Variants in WSCD2 observed in about 807,000 individuals in gnomAD.
WSCD2 encodes the protein sialate:O-sulfotransferase 2.
WSCD2 carries 28 observed loss-of-function variants against 55.7 expected under a neutral mutation model. The ratio of observed to expected loss-of-function variants is 0.50; its 90% CI spans 0.37 to 0.69. The LOEUF is 0.69. Ranked by LOEUF, WSCD2 falls within the 30% of genes least tolerant of loss-of-function variation. The probability of loss-of-function intolerance (pLI) is 0.00; values close to 1 mark genes in which losing one functional copy is unlikely to be tolerated. For synonymous variants in WSCD2, 301 were observed against 301.9 expected (o/e 1.00, Z 0.03); for missense variants, 616 against 762.1 (o/e 0.81, Z 2.26).
chr12:108,133,791 C>T (rs1875875641), intron 1 of WSCD2, among the ~76,000 whole-genome samples: 1 of 152,086 alleles, frequency 6.6e-6, no homozygotes, highest in Non-Finnish European at 1.5e-5. Context: ...TCTGTCTTGC[C>T]AGAAGCTTCT....
At chr12:108,229,642 C>T (rs879484301) in intron 6 of WSCD2, among the ~76,000 whole-genome samples, 12 of 152,324 alleles carry the variant, frequency 7.9e-5, no homozygotes, top group South Asian at 2.1e-4. Flanking sequence ...AAACCCAGGT[C>T]GGTCTGATTC....
chr12:108,150,345 G>C (rs187596953), intron 1 of WSCD2, among the ~76,000 whole-genome samples: 1 of 152,308 alleles, frequency 6.6e-6, no homozygotes. Flanking sequence ...TTTAAAGGAA[G>C]TATTGTGAGC....
At chr12:108,239,389 G>C (rs1477272483) in intron 7 of WSCD2, among the ~76,000 whole-genome samples, 2 of 152,184 alleles carry the variant, frequency 1.3e-5, no homozygotes, top group Non-Finnish European at 2.9e-5. Context: ...TGGTTGAGCT[G>C]ACTGGGCTGC....
In WSCD2 at chr12:108,248,004, C is replaced by T. The variant is rs572197817; in HGVS notation, c.1359C>T (p.Phe453=). Residue 453 remains phenylalanine (F), a synonymous_variant, in exon 9 of 9, where the codon TTC becomes TTT. Transcript: ENST00000547525. This position sits in a 1 kb window ranked among gnomAD's most constrained non-coding sequence, Gnocchi z 4.3. ...AHWKGKEWPE[F]VRNYAPWWAT... Reference sequence around the variant, plus strand: ...CTCTCTCTGCAGAGTGGCCAGAGTTCGTGAGGAACTATGCCCCGTGGTGGG... The same window carrying T: ...CTCTCTCTGCAGAGTGGCCAGAGTTTGTGAGGAACTATGCCCCGTGGTGGG... 15 of 1,612,456 alleles carry T rather than the reference C, an allele frequency of 9.3e-6. No homozygotes were observed. The Admixed American group carries it at 1.3e-4, about 14-fold the overall frequency.
chr12:108,209,287 C>A (rs1034284955), intron 3 of WSCD2, among the ~76,000 whole-genome samples: 1 of 152,112 alleles, frequency 6.6e-6, no homozygotes, highest in Admixed American at 6.5e-5. Context: ...GTGTGAGAGT[C>A]CCTGCCTCCC....
chr12:108,135,166 A>G (rs111431875), intron 1 of WSCD2, among the ~76,000 whole-genome samples: 1 of 152,098 alleles, frequency 6.6e-6, no homozygotes, highest in Non-Finnish European at 1.5e-5. Context: ...CCATCCATCC[A>G]TCCTTCCATG....
chr12:108,226,040 C>T (rs75148617), intron 5 of WSCD2, among the ~76,000 whole-genome samples: 1 of 151,900 alleles, frequency 6.6e-6, no homozygotes, highest in Non-Finnish European at 1.5e-5. Context: ...CAGTAAATGC[C>T]CCCTTGGTGT....
intron 1 of WSCD2, chr12:108,189,282 A>G (rs934019729): frequency 2.6e-5 from 4 of 152,182 alleles, no homozygotes; most frequent in Admixed American, 6.5e-5. Flanking sequence ...TAAAGGGTGT[A>G]TTATTGAGTC....
chr12:108,212,038 T>C (rs1158210074), intron 4 of WSCD2, among the ~76,000 whole-genome samples: 2 of 152,128 alleles, frequency 1.3e-5, no homozygotes, highest in Non-Finnish European at 2.9e-5. Flanking sequence ...ATTTGCAAAC[T>C]GGCTGGTTTT....
chr12:108,218,761 G>A (rs866243239), intron 4 of WSCD2, among the ~76,000 whole-genome samples: 2 of 152,154 alleles, frequency 1.3e-5, no homozygotes, highest in Non-Finnish European at 2.9e-5. Context: ...ACTCCCATAC[G>A]GAGATGACTT....
intron 1 of WSCD2, among the ~76,000 whole-genome samples, chr12:108,133,732 C>A (rs879844810): frequency 6.6e-6 from 1 of 152,304 alleles, no homozygotes; most frequent in South Asian, 2.1e-4. Flanking sequence ...CTCCAAAGCC[C>A]GGTGTATCCC....
intron 6 of WSCD2, among the ~76,000 whole-genome samples, chr12:108,228,454 G>A (rs1333064160): frequency 6.6e-6 from 1 of 152,180 alleles, no homozygotes; most frequent in African/African-American, 2.4e-5. Context: ...TGACTCCAAA[G>A]CCCCTGCTAG....
At chr12:108,217,593 TCTCCA>T (rs895001348) in intron 4 of WSCD2, among the ~76,000 whole-genome samples, 4 of 152,206 alleles carry the variant, frequency 2.6e-5, no homozygotes, top group African/African-American at 9.6e-5. Flanking sequence ...CTTGGAAGGC[TCTCCA>T]ACCTTTCCAC....
intron 1 of WSCD2, among the ~76,000 whole-genome samples, chr12:108,179,082 T>C (rs1476610968): frequency 6.6e-6 from 1 of 152,198 alleles, no homozygotes; most frequent in Non-Finnish European, 1.5e-5. Flanking sequence ...AGGATCAAAC[T>C]CTGAGTTTTT....
chr12:108,187,447 T>C (rs1425411795), intron 1 of WSCD2, among the ~76,000 whole-genome samples: 1 of 152,238 alleles, frequency 6.6e-6, no homozygotes, highest in Non-Finnish European at 1.5e-5. Flanking sequence ...ATGACAGGTT[T>C]AGCATACGGT....
intron 2 of WSCD2, among the ~76,000 whole-genome samples, chr12:108,198,372 C>T (rs1565956547): frequency 2.6e-5 from 4 of 152,234 alleles, no homozygotes; most frequent in Admixed American, 6.5e-5. Context: ...CTCCAAGTCT[C>T]ATCTTTGCTA....
chr12:108,151,138 A>G (rs1307253519), intron 1 of WSCD2, among the ~76,000 whole-genome samples: 1 of 152,048 alleles, frequency 6.6e-6, no homozygotes. Context: ...AGATTCATCT[A>G]CTGGTCAAAC....
intron 1 of WSCD2, among the ~76,000 whole-genome samples, chr12:108,194,041 G>A (rs1484826568): frequency 1.3e-5 from 2 of 152,102 alleles, no homozygotes; most frequent in East Asian, 1.9e-4. Flanking sequence ...CCCTGCTGGT[G>A]GTAATATGAA....
At chr12:108,206,264 C>T in intron 2 of WSCD2, 25 bp from the exon 3 acceptor site, 1 of 1,606,212 alleles carries the variant, frequency 6.2e-7, no homozygotes. Context: ...CCCCAGCCAC[C>T]TTTGACGTTT....
Sources: allele counts gnomAD v4.1 joint callset (sites outside exome capture counted in the v4.1 genomes callset), GRCh38; gene constraint gnomAD v4.1.1; non-coding constraint Gnocchi (gnomAD v3.1); transcripts MANE v1.5; gene names NCBI Gene and HGNC (gene_info 2026-07-23, HGNC 2026-07-21).